The following LRRC7 variants were observed in gnomAD, a reference collection of about 807,000 sequenced individuals.
The protein encoded by LRRC7 is leucine-rich repeat-containing protein 7.
Under a neutral mutation model 175.7 loss-of-function variants are expected in LRRC7, and 23 were observed. The observed-to-expected ratio is 0.13, with a 90% CI of 0.09 to 0.19. The LOEUF is 0.19. Ranked by LOEUF, LRRC7 falls within the 10% of genes least tolerant of loss-of-function variation. LRRC7 has a pLI of 1.00. For synonymous variants in LRRC7, 685 were observed against 680.9 expected, an observed-to-expected ratio of 1.01 and a Z score of -0.09; for missense variants, 1,354 against 1,904.7, an observed-to-expected ratio of 0.71 and a Z score of 5.38.
intron 8 of LRRC7, among the ~76,000 whole-genome samples, chr1:69,975,894 G>GTT (rs542813073): frequency 3.4e-5 from 5 of 145,666 alleles, no homozygotes; most frequent in Non-Finnish European, 3.0e-5. Context: ...AATTTACTCA[G>GTT]TTTTTTTTTT....
intron 7 of LRRC7, among the ~76,000 whole-genome samples, chr1:69,840,683 T>G (rs1681622253): frequency 6.6e-6 from 1 of 152,034 alleles, no homozygotes; most frequent in Admixed American, 6.6e-5. Flanking sequence ...ATAAGTTTCC[T>G]TATAATGTTT....
intron 1 of LRRC7, among the ~76,000 whole-genome samples, chr1:69,667,812 A>G (rs1331346613): frequency 1.3e-5 from 2 of 152,148 alleles, no homozygotes; most frequent in African/African-American, 4.8e-5. Flanking sequence ...CAATGTTATT[A>G]TTGATGAGTA....
At position 69,772,879 on chromosome 1, in the gene LRRC7, A is replaced by G. The variant is rs191986947; in HGVS notation, c.303+12486A>G. ...GTCATGAAAGCCAAGAAAAGAACAGAAAGTGTTTGAAAAAGAGGGAGTATA... is the reference window on the plus strand; with the variant it reads ...GTCATGAAAGCCAAGAAAAGAACAGGAAGTGTTTGAAAAAGAGGGAGTATA... On this transcript the variant is annotated intron_variant, in intron 3 of 26. Coordinates refer to ENST00000651989, the MANE Select transcript of LRRC7 (RefSeq NM_001370785.2). Among the ~76,000 whole-genome samples, 5 of 152,322 alleles carry G rather than the reference A, an allele frequency of 3.3e-5. No individual in the cohort carries two copies. In the East Asian group the frequency reaches 7.7e-4, roughly 24 times the overall value.
chr1:69,680,835 G>T (rs549969511), intron 2 of LRRC7, among the ~76,000 whole-genome samples: 1 of 152,012 alleles, frequency 6.6e-6, no homozygotes, highest in African/African-American at 2.4e-5. Context: ...TGAAGAAAAT[G>T]AGGACATGCT....
chr1:69,847,174 T>A (rs1682459028), intron 7 of LRRC7, among the ~76,000 whole-genome samples: 1 of 152,110 alleles, frequency 6.6e-6, no homozygotes, highest in Non-Finnish European at 1.5e-5. Context: ...AAGGCATACA[T>A]CCATTGTTTG....
chr1:69,826,334 T>C (rs1011104636), intron 5 of LRRC7, among the ~76,000 whole-genome samples: 4 of 152,042 alleles, frequency 2.6e-5, no homozygotes, highest in Non-Finnish European at 5.9e-5. Flanking sequence ...ATGGAAGATA[T>C]GGATAATAGA....
rs371140856 is a variant in LRRC7 at position 70,138,823 on chromosome 1, C to G, written c.*16936C>G. 1 of 152,124 alleles carries G rather than the reference C, an allele frequency of 6.6e-6. No individual in the cohort carries two copies. The highest frequency in any genetic ancestry group is 1.5e-5 in the Non-Finnish European group (1 of 68,022). 9.4% of individuals were successfully genotyped at this position (152,124 alleles called of 1,614,324 possible). ...GTGCCAGGTCACAGAAAAAGCTAAT[C>G]ATTTTTAGTTTAATCCTGACCAGCT... On this transcript the variant is annotated 3_prime_UTR_variant, in exon 27 of 27. Coordinates refer to ENST00000651989, the MANE Select transcript of LRRC7 (RefSeq NM_001370785.2).
intron 7 of LRRC7, among the ~76,000 whole-genome samples, chr1:69,881,167 G>A (rs1180156208): frequency 6.6e-6 from 1 of 152,132 alleles, no homozygotes; most frequent in Non-Finnish European, 1.5e-5. Context: ...CATCATTATA[G>A]CTCCACTGGA....
intron 4 of LRRC7, among the ~76,000 whole-genome samples, chr1:69,811,836 G>A (rs1337638260): frequency 2.0e-5 from 3 of 152,098 alleles, no homozygotes; most frequent in Non-Finnish European, 2.9e-5. Flanking sequence ...AGGTTGATGG[G>A]TGCAGCAAAC....
rs1290824981 is a variant in LRRC7 at position 70,131,997 on chromosome 1, AAG to A, written c.*10113_*10114del. Among the ~76,000 whole-genome samples, 2 of 152,222 alleles carry A rather than the reference AAG, an allele frequency of 1.3e-5. No homozygotes were observed. The highest frequency in any genetic ancestry group is 2.4e-5 in the African/African-American group (1 of 41,464). On this transcript the variant is annotated 3_prime_UTR_variant, in exon 27 of 27. Coordinates refer to ENST00000651989, the MANE Select transcript of LRRC7 (RefSeq NM_001370785.2). Reference sequence around the variant, plus strand: ...GAACAAGAACAGACTAGGGCTGGGAAAGAGGGGAATTAATAAGTTATTAAGGA... The same window carrying A: ...GAACAAGAACAGACTAGGGCTGGGAAAGGGGAATTAATAAGTTATTAAGGA...
intron 13 of LRRC7, 105 bp downstream of exon 13, chr1:70,013,194 C>G (rs562356098): frequency 7.2e-6 from 4 of 559,084 alleles, no homozygotes; most frequent in Non-Finnish European, 1.3e-5. Context: ...TCGACATATA[C>G]GGAATGCAAA....
chr1:70,041,712 G>A (rs919651985), intron 21 of LRRC7, among the ~76,000 whole-genome samples: 20 of 152,250 alleles, frequency 1.3e-4, no homozygotes, highest in African/African-American at 4.1e-4. Context: ...AGAGGAATGA[G>A]TGAAAACAAC....
intron 7 of LRRC7, among the ~76,000 whole-genome samples, chr1:69,849,752 A>T (rs1162101438): frequency 6.6e-6 from 1 of 151,998 alleles, no homozygotes. Context: ...TGCCTACTTA[A>T]TTCCCTAAAT....
chr1:69,805,673 CCTT>C (rs1677035942), intron 4 of LRRC7, among the ~76,000 whole-genome samples: 1 of 151,844 alleles, frequency 6.6e-6, no homozygotes, highest in Admixed American at 6.6e-5. Context: ...AGGATTGACT[CCTT>C]CTGTTTCCAT....
intron 25 of LRRC7, among the ~76,000 whole-genome samples, chr1:70,098,176 T>C (rs1467697251): frequency 6.6e-6 from 1 of 152,226 alleles, no homozygotes; most frequent in Non-Finnish European, 1.5e-5. Flanking sequence ...AGATGGTATC[T>C]CATGGTGGTT....
intron 4 of LRRC7, among the ~76,000 whole-genome samples, chr1:69,807,351 G>A (rs181646505): frequency 4.7e-4 from 72 of 152,062 alleles, no homozygotes; most frequent in African/African-American, 1.7e-3. Context: ...ATGTTAGCTG[G>A]TTATTTTGCT....
At chr1:69,972,749 C>A (rs1652374093) in intron 8 of LRRC7, among the ~76,000 whole-genome samples, 1 of 151,788 alleles carries the variant, frequency 6.6e-6, no homozygotes, top group South Asian at 2.1e-4. Flanking sequence ...ACCGTCTGAT[C>A]CAGCAATCCC....
chr1:70,081,136 A>G (rs1663180350), intron 24 of LRRC7, among the ~76,000 whole-genome samples: 1 of 152,200 alleles, frequency 6.6e-6, no homozygotes, highest in African/African-American at 2.4e-5. Flanking sequence ...AAAACTCCCC[A>G]AGGTGATTCT....
rs139997047 is a variant in LRRC7, at chr1:69,750,093, T to TAAATA, written c.101-10096_101-10095insATAAA. 2.5e-3 allele frequency among the ~76,000 whole-genome samples: 359 copies of TAAATA among 142,252 alleles called. 2 individuals are homozygous for TAAATA. Among genetic ancestry groups the TAAATA allele is most frequent in the Non-Finnish European group, 3.7e-3 (243 of 66,188 alleles). The allele number at this position is 142,252 out of a possible 152,430, so 93.3% of individuals were successfully genotyped here. On this transcript the variant is annotated intron_variant, in intron 2 of 26. Transcript: ENST00000651989. Reference sequence around the variant, plus strand: ...ATAAATAAATAAATAAATAAATAAATAATAATAACTGAAAAGTGAGGTTAA... The same window carrying TAAATA: ...ATAAATAAATAAATAAATAAATAAATAAATAAATAATAACTGAAAAGTGAGGTTAA...
Sources: gnomAD v4.1 joint callset for allele counts (sites outside exome capture counted in the v4.1 genomes callset) on GRCh38, gnomAD v4.1.1 for gene constraint, MANE v1.5 for transcripts, NCBI Gene and HGNC (gene_info 2026-07-23, HGNC 2026-07-21) for gene names.